Variants in DCX observed in about 807,000 individuals in gnomAD.
DCX encodes the protein doublecortin.
A neutral mutation model predicts 20.9 loss-of-function variants in DCX; 4 were observed. The observed-to-expected ratio is 0.19, with a 90% CI of 0.09 to 0.44. The LOEUF (loss-of-function observed/expected upper bound fraction) is 0.44, where lower values mean the gene tolerates loss of function less well. DCX is among the 20% of genes least tolerant of loss of function. The pLI, the probability that DCX is intolerant of heterozygous loss-of-function variation, is 0.99. For missense variants in DCX, 133 were observed against 296.9 expected (o/e 0.45, Z 4.06); for synonymous variants, 103 against 111.4 (o/e 0.92, Z 0.47).
intron 3 of DCX, among the ~76,000 whole-genome samples, chrX:111,367,309 A>G (rs752212174): frequency 9.0e-4 from 101 of 111,839 alleles, no homozygotes; most frequent in Non-Finnish European, 1.4e-3. Flanking sequence ...CTGCAGACAC[A>G]AGGAAATGGA....
intron 3 of DCX, among the ~76,000 whole-genome samples, chrX:111,351,962 C>T (rs2147674068): frequency 8.9e-6 from 1 of 111,793 alleles, no homozygotes; most frequent in East Asian, 2.8e-4. Context: ...TGGGCTCATG[C>T]AGTCCGCCTG....
intron 6 of DCX, among the ~76,000 whole-genome samples, chrX:111,305,571 C>A (rs918468460): frequency 3.7e-5 from 4 of 109,501 alleles, no homozygotes; most frequent in African/African-American, 1.3e-4. Flanking sequence ...CCCTTTCTAT[C>A]CCCGGCTTCT....
chrX:111,348,297 G>T (rs930198227), intron 3 of DCX, among the ~76,000 whole-genome samples: 3 of 112,219 alleles, frequency 2.7e-5, no homozygotes, highest in Non-Finnish European at 5.6e-5. Context: ...GGAAAGAAGG[G>T]CACAGAGGGG....
chrX:111,331,140 C>T, intron 4 of DCX, 99 bp from the exon 5 acceptor site: 1 of 973,636 alleles, frequency 1.0e-6, no homozygotes, highest in Non-Finnish European at 1.5e-6. Context: ...GCCAAAGGAC[C>T]TAAATGGGTC....
chrX:111,330,179 G>A (rs929757429), intron 5 of DCX, among the ~76,000 whole-genome samples: 5 of 112,079 alleles, frequency 4.5e-5, no homozygotes, highest in African/African-American at 1.6e-4. Flanking sequence ...AGGCAGCTGA[G>A]CTAAATGGTT....
chrX:111,319,073 G>C (rs2095080699), intron 5 of DCX, among the ~76,000 whole-genome samples: 1 of 112,491 alleles, frequency 8.9e-6, no homozygotes, highest in Non-Finnish European at 1.9e-5. Context: ...AGTTTCAGGA[G>C]ATGAGGCTGG....
chrX:111,335,939 A>T lies in DCX; in HGVS notation c.706-2786T>A, dbSNP rs138841210. Among the ~76,000 whole-genome samples the T allele has an allele frequency of 4.6e-3, 507 of 110,993 alleles. 5 individuals are homozygous for T. Among genetic ancestry groups the T allele is most frequent in the African/African-American group, 0.015 (468 of 30,514 alleles). On this transcript the variant is annotated intron_variant, in intron 3 of 6. Coordinates refer to ENST00000636035, the MANE Select transcript of DCX (RefSeq NM_001195553.2). ...ACTGCACTCCAGCCCGGCAACAGAGAGAGACTCCGAAAAAAAAGAAAGAAA... is the reference window on the plus strand; with the variant it reads ...ACTGCACTCCAGCCCGGCAACAGAGTGAGACTCCGAAAAAAAAGAAAGAAA...
chrX:111,365,951 G>A (rs973976009), intron 3 of DCX, among the ~76,000 whole-genome samples: 2 of 111,552 alleles, frequency 1.8e-5, no homozygotes, highest in African/African-American at 3.3e-5. Flanking sequence ...GTAGCATCCC[G>A]GGCCTCTACC....
At chrX:111,312,023 GC>G (rs1370244311) in intron 6 of DCX, among the ~76,000 whole-genome samples, 1 of 112,379 alleles carries the variant, frequency 8.9e-6, no homozygotes, top group Admixed American at 9.4e-5. Context: ...GGATAGCGGG[GC>G]TAGGGAATTT....
chrX:111,357,248 T>C (rs1293564783), intron 3 of DCX, among the ~76,000 whole-genome samples: 1 of 111,591 alleles, frequency 9.0e-6, no homozygotes, highest in East Asian at 2.8e-4. Flanking sequence ...CAAGTTTAGG[T>C]CCATCTAGTC....
At chrX:111,347,920 A>T (rs1404902440) in intron 3 of DCX, among the ~76,000 whole-genome samples, 1 of 112,044 alleles carries the variant, frequency 8.9e-6, no homozygotes, top group Non-Finnish European at 1.9e-5. Context: ...CAGCTGAGAT[A>T]TTGGTCTTCA....
At chrX:111,342,201 CAA>C (rs775762991) in intron 3 of DCX, among the ~76,000 whole-genome samples, 10 of 24,205 alleles carry the variant, frequency 4.1e-4, no homozygotes, top group Admixed American at 1.1e-3. Context: ...AAAAGGAAAG[CAA>C]AAAAAAAAAA....
At chrX:111,368,447 C>T (rs976766513) in intron 3 of DCX, among the ~76,000 whole-genome samples, 2 of 111,537 alleles carry the variant, frequency 1.8e-5, no homozygotes, top group Admixed American at 9.6e-5. Context: ...GGGGGTAGTG[C>T]CAAACCCTAT....
chrX:111,368,813 T>C (rs908831725), intron 3 of DCX, among the ~76,000 whole-genome samples: 8 of 110,190 alleles, frequency 7.3e-5, no homozygotes, highest in Admixed American at 3.0e-4. Flanking sequence ...TATATTTTTA[T>C]AACCATTTTA....
chrX:111,336,385 C>T (rs191292612), intron 3 of DCX, among the ~76,000 whole-genome samples: 1 of 112,597 alleles, frequency 8.9e-6, no homozygotes, highest in African/African-American at 3.2e-5. Flanking sequence ...GCTTCAAACA[C>T]AATCATGCTA....
chrX:111,385,459 C>G (rs1055043576), intron 3 of DCX, among the ~76,000 whole-genome samples: 1 of 109,958 alleles, frequency 9.1e-6, no homozygotes, highest in Admixed American at 9.8e-5. Context: ...GGTTTGAGAC[C>G]AGCCTGGCCA....
chrX:111,315,193 A>C (rs896179994), intron 5 of DCX, among the ~76,000 whole-genome samples: 1 of 107,855 alleles, frequency 9.3e-6, no homozygotes, highest in Non-Finnish European at 1.9e-5. Flanking sequence ...ACAAAGGGCT[A>C]ATATCCAGAA....
chrX:111,323,603 G>GTTTTTTTTTTTTTTTT (rs780794851), intron 5 of DCX, among the ~76,000 whole-genome samples: 2 of 52,175 alleles, frequency 3.8e-5, no homozygotes, highest in Non-Finnish European at 7.1e-5. Context: ...TATTATTTCT[G>GTTTTTTTTTTTTTTTT]TTTTTTTTTT....
intron 3 of DCX, among the ~76,000 whole-genome samples, chrX:111,336,529 C>A (rs752721174): frequency 8.9e-6 from 1 of 112,145 alleles, no homozygotes; most frequent in Non-Finnish European, 1.9e-5. Flanking sequence ...TGAGACACGG[C>A]AGCCCCCCAT....
Sources: gnomAD v4.1 joint callset for allele counts (sites outside exome capture counted in the v4.1 genomes callset) on GRCh38, gnomAD v4.1.1 for gene constraint, MANE v1.5 for transcripts, NCBI Gene and HGNC (gene_info 2026-07-23, HGNC 2026-07-21) for gene names.